TTC28: variants seen among roughly 807,000 people sequenced by gnomAD.
TTC28 encodes the protein tetratricopeptide repeat protein 28.
In TTC28, 61 loss-of-function variants were observed where a neutral mutation model predicts 198.0. The observed-to-expected ratio is 0.31, with a 90% CI of 0.25 to 0.38. The LOEUF (loss-of-function observed/expected upper bound fraction) is 0.38, where lower values mean the gene tolerates loss of function less well. Among genes scored for constraint, TTC28 ranks in the 10% least tolerant of loss-of-function variants. The pLI is 1.00. For missense variants in TTC28, 2,678 were observed against 3,164.0 expected, an observed-to-expected ratio of 0.85 and a Z score of 3.69; for synonymous variants, 1,171 against 1,297.8, an observed-to-expected ratio of 0.90 and a Z score of 2.10.
chr22:28,288,508 A>G (rs2044728497), intron 5 of TTC28, among the ~76,000 whole-genome samples: 1 of 152,170 alleles, frequency 6.6e-6, no homozygotes. Flanking sequence ...CCATCAGTAC[A>G]CTTCAAAGAG....
chr22:28,536,755 A>G (rs1887157022), intron 2 of TTC28, among the ~76,000 whole-genome samples: 1 of 152,218 alleles, frequency 6.6e-6, no homozygotes, highest in African/African-American at 2.4e-5. Flanking sequence ...TGTTTTACAA[A>G]TGTAATGCAA....
chr22:28,648,962 AAAAG>A (rs1287613058), intron 1 of TTC28, among the ~76,000 whole-genome samples: 3 of 152,178 alleles, frequency 2.0e-5, no homozygotes, highest in South Asian at 2.1e-4. Context: ...GAAAGGAAAG[AAAAG>A]AAAGAAAGGA....
chr22:28,374,090 G>A (rs1282384536), intron 2 of TTC28, among the ~76,000 whole-genome samples: 1 of 152,070 alleles, frequency 6.6e-6, no homozygotes, highest in Non-Finnish European at 1.5e-5. Context: ...CTTGAAATTG[G>A]CAAGTAGCAG....
At chr22:28,155,629 A>G (rs889956035) in intron 6 of TTC28, among the ~76,000 whole-genome samples, 3 of 152,236 alleles carry the variant, frequency 2.0e-5, no homozygotes, top group Non-Finnish European at 2.9e-5. Context: ...CACAGGAATT[A>G]TATGTGGAGG....
chr22:28,187,488 A>T (rs750749725), intron 5 of TTC28, among the ~76,000 whole-genome samples: 1 of 152,148 alleles, frequency 6.6e-6, no homozygotes, highest in Non-Finnish European at 1.5e-5. Flanking sequence ...ACCACTATAT[A>T]CTATACACAC....
rs770268312 is a variant in TTC28, at chr22:28,107,356, G to A, written c.2489C>T (p.Pro830Leu). The change falls in exon 7 of 23, where the codon CCG becomes CTG. Residue 830 changes from proline to leucine, a missense_variant. By Grantham distance (98) the Pro-to-Leu change is moderately conservative. Transcript: ENST00000397906. Reference protein sequence around the residue: ...QLDLGQKLKDPSLEAQVYGNM... With the variant: ...QLDLGQKLKDLSLEAQVYGNM... Reference sequence around the variant, plus strand: ...GCCATAGACCTGGGCTTCCAGACTCGGATCCTTCAGCTTTTGCCCTAGATC... The same window carrying A: ...GCCATAGACCTGGGCTTCCAGACTCAGATCCTTCAGCTTTTGCCCTAGATC... 22 of 1,551,718 alleles carry A rather than the reference G, an allele frequency of 1.4e-5. No individual in the cohort carries two copies. Among genetic ancestry groups the A allele is most frequent in the African/African-American group, 2.7e-5 (2 of 73,000 alleles).
intron 2 of TTC28, among the ~76,000 whole-genome samples, chr22:28,576,938 T>G (rs1156411519): frequency 6.6e-6 from 1 of 152,008 alleles, no homozygotes; most frequent in Non-Finnish European, 1.5e-5. Flanking sequence ...TTTGTTGATC[T>G]TTTGTATTAT....
intron 6 of TTC28, among the ~76,000 whole-genome samples, chr22:28,120,657 CCAGA>C (rs1246329766): frequency 1.3e-5 from 2 of 152,058 alleles, no homozygotes; most frequent in Admixed American, 6.6e-5. Context: ...CATGGTCTGC[CCAGA>C]CAAATAGAAA....
chr22:28,310,401 C>T (rs2045235828), intron 2 of TTC28, among the ~76,000 whole-genome samples: 1 of 152,194 alleles, frequency 6.6e-6, no homozygotes, highest in Non-Finnish European at 1.5e-5. Flanking sequence ...GCATTTCTCT[C>T]ACCCCAGAGG....
intron 5 of TTC28, among the ~76,000 whole-genome samples, chr22:28,286,086 G>A (rs959152801): frequency 2.6e-5 from 4 of 151,438 alleles, no homozygotes; most frequent in Non-Finnish European, 4.4e-5. Context: ...CACAAGCTCC[G>A]CCTCCTGGGT....
At chr22:28,260,816 G>A (rs1485778764) in intron 5 of TTC28, among the ~76,000 whole-genome samples, 2 of 152,114 alleles carry the variant, frequency 1.3e-5, no homozygotes, top group African/African-American at 2.4e-5. Flanking sequence ...TCACTGTCAG[G>A]CCAAGCCAGA....
At chr22:28,264,640 C>T (rs1041346292) in intron 5 of TTC28, among the ~76,000 whole-genome samples, 3 of 152,014 alleles carry the variant, frequency 2.0e-5, no homozygotes, top group Non-Finnish European at 4.4e-5. Flanking sequence ...CACGCATGCA[C>T]GTGTGGGCGC....
chr22:28,101,932 C>T (rs1351574425), intron 8 of TTC28, among the ~76,000 whole-genome samples: 7 of 152,082 alleles, frequency 4.6e-5, no homozygotes, highest in Non-Finnish European at 7.4e-5. Context: ...CAGGATGCCT[C>T]GGCAAGAGCC....
chr22:27,983,448 G>T lies in TTC28; in HGVS notation c.6219C>A (p.Asn2073Lys). 1.9e-6 allele frequency: 3 copies of T among 1,546,640 alleles called. No homozygotes were observed. Among genetic ancestry groups the T allele is most frequent in the Non-Finnish European group, 2.6e-6 (3 of 1,145,884 alleles). Residue 2073 changes from asparagine (N) to lysine (K), a missense_variant, in exon 23 of 23, where the codon AAC becomes AAA. Transcript: ENST00000397906. Reference protein sequence around the residue: ...SNEPLATYQENRNTCFSPDHK... With the variant: ...SNEPLATYQEKRNTCFSPDHK... ...GGTCTGGTGAGAAGCATGTGTTTCG[G>T]TTTTCTTGGTAGGTCGCCAAGGGCT...
intron 12 of TTC28, among the ~76,000 whole-genome samples, chr22:28,042,148 C>T (rs1939664532): frequency 6.6e-6 from 1 of 152,072 alleles, no homozygotes; most frequent in Non-Finnish European, 1.5e-5. Context: ...TAAATTAGTT[C>T]AACCATTGTG....
chr22:28,672,447 T>A (rs988262351), intron 1 of TTC28, among the ~76,000 whole-genome samples: 3 of 152,126 alleles, frequency 2.0e-5, no homozygotes, highest in African/African-American at 7.2e-5. Context: ...ATTACAGGCA[T>A]GAGCCACCGC....
At chr22:28,124,372 G>T (rs1942866629) in intron 6 of TTC28, among the ~76,000 whole-genome samples, 1 of 152,114 alleles carries the variant, frequency 6.6e-6, no homozygotes, top group Non-Finnish European at 1.5e-5. Flanking sequence ...ATGATAGAAT[G>T]ATAATATATA....
intron 2 of TTC28, among the ~76,000 whole-genome samples, chr22:28,574,159 G>A (rs187942671): frequency 7.9e-5 from 12 of 152,056 alleles, no homozygotes; most frequent in South Asian, 2.1e-4. Context: ...GACCACAGAC[G>A]TGCACCACCA....
At chr22:28,463,207 A>G (rs1366619565) in intron 2 of TTC28, among the ~76,000 whole-genome samples, 1 of 152,202 alleles carries the variant, frequency 6.6e-6, no homozygotes, top group African/African-American at 2.4e-5. Flanking sequence ...AGAAATTGCA[A>G]TGGTAGCGTG....
Sources: allele counts gnomAD v4.1 joint callset (sites outside exome capture counted in the v4.1 genomes callset), GRCh38; gene constraint gnomAD v4.1.1; transcripts MANE v1.5; gene names NCBI Gene and HGNC (gene_info 2026-07-23, HGNC 2026-07-21).